PUF60: variants seen among roughly 807,000 people sequenced by gnomAD.
The protein encoded by PUF60 is poly(U)-binding-splicing factor PUF60.
In PUF60, 10 loss-of-function variants were observed where a neutral mutation model predicts 61.8. The ratio of observed to expected loss-of-function variants is 0.16; its 90% CI spans 0.10 to 0.27. The LOEUF (loss-of-function observed/expected upper bound fraction) is 0.27, where lower values mean the gene tolerates loss of function less well. Among genes scored for constraint, PUF60 ranks in the 10% least tolerant of loss-of-function variants. The pLI is 1.00. For missense variants in PUF60, 371 were observed against 754.0 expected (o/e 0.49, Z 5.95); for synonymous variants, 353 against 300.9 (o/e 1.17, Z -1.79).
chr8:143,818,838 G>A lies in PUF60; in HGVS notation c.349-304C>T. On this transcript the variant is annotated intron_variant, in intron 5 of 11. Coordinates refer to ENST00000526683, the MANE Select transcript of PUF60 (RefSeq NM_078480.3). The surrounding 1 kb of genome is among the most constrained non-coding windows in gnomAD (Gnocchi z 7.9). ...GCAGGGCTGTGCGCCCTCCCACCCA[G>A]ACCACCCCTCCAGTCTGGGGGCTGG... The A allele has an allele frequency of 2.4e-6, 1 of 415,042 alleles. No homozygotes were observed. Among genetic ancestry groups the A allele is most frequent in the Non-Finnish European group, 4.3e-6 (1 of 231,922 alleles). The allele number at this position is 415,042 out of a possible 1,614,324, so 25.7% of individuals were successfully genotyped here.
intron 1 of PUF60, among the ~76,000 whole-genome samples, chr8:143,828,831 C>T (rs1486707394): frequency 2.0e-5 from 3 of 152,214 alleles, no homozygotes; most frequent in Non-Finnish European, 4.4e-5. Flanking sequence ...CCGCCCCATG[C>T]TCTGAGCTGC....
chr8:143,820,436 C>T (rs1586583557), intron 5 of PUF60: 2 of 580,256 alleles, frequency 3.4e-6, no homozygotes, highest in Non-Finnish European at 6.1e-6. Context: ...GTTACCTGGC[C>T]GATTAGTTTT....
intron 1 of PUF60, chr8:143,829,035 C>A: frequency 1.0e-6 from 1 of 1,003,174 alleles, no homozygotes; most frequent in South Asian, 4.6e-5. Flanking sequence ...GGCCACACGC[C>A]GCGCCCAGGC....
intron 2 of PUF60, chr8:143,822,468 C>T (rs1413640568): frequency 2.6e-5 from 12 of 456,492 alleles, no homozygotes; most frequent in African/African-American, 1.4e-4. Flanking sequence ...CCACCGTCCC[C>T]GCAGGCACTG....
In PUF60 at chr8:143,816,638, A is replaced by G; in HGVS notation, c.1562T>C (p.Ile521Thr). The G allele has an allele frequency of 6.2e-7, 1 of 1,613,856 alleles. No homozygotes were observed. Among genetic ancestry groups the G allele is most frequent in the Non-Finnish European group, 8.5e-7 (1 of 1,179,868 alleles). The change falls in exon 12 of 12, where the codon ATA (isoleucine) becomes ACA (threonine). Residue 521 changes from isoleucine (I) to threonine (T), a missense_variant. By Grantham distance (89) the Ile-to-Thr change is moderately conservative. Coordinates refer to ENST00000526683, the MANE Select transcript of PUF60 (RefSeq NM_078480.3). ...IIVKIFVEFS[I>T]ASETHKAIQA... ...GATGGCCTTATGAGTCTCAGAGGCT[A>G]TGGAAAACTCCACAAAGATCTTGAC...
At chr8:143,824,541 G>A in intron 1 of PUF60, 142 bp from the exon 2 acceptor site, 1 of 757,206 alleles carries the variant, frequency 1.3e-6, no homozygotes, top group Non-Finnish European at 2.2e-6. Context: ...TGACCCCCCA[G>A]CCCAAACTGC....
chr8:143,826,412 G>T (rs565052764), intron 1 of PUF60, among the ~76,000 whole-genome samples: 9 of 152,260 alleles, frequency 5.9e-5, no homozygotes, highest in Middle Eastern at 3.4e-3. Flanking sequence ...TGAAAAAAAA[G>T]ATTTTTTTAA....
At chr8:143,822,504 C>G (rs1266290258) in intron 2 of PUF60, 1 of 456,656 alleles carries the variant, frequency 2.2e-6, no homozygotes, top group Admixed American at 2.3e-5. Context: ...GAACACAGGC[C>G]TCTCTCGGGC....
At position 143,816,415 on chromosome 8, in the gene PUF60, AGGCTG is replaced by A. The variant is rs1262349757; in HGVS notation, c.*100_*104del. On this transcript the variant is annotated 3_prime_UTR_variant, in exon 12 of 12. Coordinates refer to ENST00000526683, the MANE Select transcript of PUF60 (RefSeq NM_078480.3). ...GCATCCGCACCTTTATCCGCACTGT[AGGCTG>A]GGCTGGGCAGAGCGCGCCTGGCCCC... The A allele has an allele frequency of 3.1e-6, 4 of 1,307,714 alleles. No individual in the cohort carries two copies. Among genetic ancestry groups the A allele is most frequent in the East Asian group, 4.9e-5 (2 of 40,992 alleles). 81.0% of individuals were successfully genotyped at this position (1,307,714 alleles called of 1,614,324 possible). A position where few individuals can be genotyped will look rare whatever the true frequency, so the allele number is the denominator to read the frequency against.
rs1402678279 is a variant in PUF60, at chr8:143,817,452, T to C, written c.1023A>G (p.Gly341=). The part of the protein sequence containing the change: ...AKITAQEAVA[G]AAVLGTLGTP... ...TGCCCAGGGTACCCAGCACCGCTGC[T>C]CCGGCCACTGCTTCCTGCAACCCAA... Residue 341 remains glycine (G), a synonymous_variant, in exon 10 of 12, where the codon GGA becomes GGG. Transcript: ENST00000526683. The surrounding 1 kb of genome is among the most constrained non-coding windows in gnomAD (Gnocchi z 7.4). 1.2e-6 allele frequency: 2 copies of C among 1,608,986 alleles called. No homozygotes were observed. The highest frequency in any genetic ancestry group is 1.1e-5 in the South Asian group (1 of 90,462).
Position 143,818,645 on chromosome 8 carries a change from C to T in PUF60, c.349-111G>A, listed in dbSNP as rs1404367512. 3 of 1,187,876 alleles carry T rather than the reference C, an allele frequency of 2.5e-6. No individual in the cohort carries two copies. 73.6% of individuals were successfully genotyped at this position (1,187,876 alleles called of 1,614,324 possible). On this transcript the variant is annotated intron_variant, in intron 5 of 11. Coordinates refer to ENST00000526683, the MANE Select transcript of PUF60 (RefSeq NM_078480.3). This position sits in a 1 kb window ranked among gnomAD's most constrained non-coding sequence, Gnocchi z 7.9. ...CCCAGCCCTGCTGTGGGGAGGGCTC[C>T]CCACATGACAGGGAGGTGCGGGCTC... is the stretch of plus-strand genomic sequence containing the variant.
At chr8:143,825,689 C>T (rs1003994019) in intron 1 of PUF60, among the ~76,000 whole-genome samples, 1 of 152,154 alleles carries the variant, frequency 6.6e-6, no homozygotes, top group Admixed American at 6.5e-5. Flanking sequence ...TCCGTGTTGC[C>T]CAAGCTGGTC....
intron 5 of PUF60, among the ~76,000 whole-genome samples, chr8:143,819,903 C>G (rs76601624): frequency 0.019 from 2,936 of 152,314 alleles, 103 homozygotes; most frequent in African/African-American, 0.066. Flanking sequence ...CATTCAGATG[C>G]TTCCCAGAGA....
chr8:143,819,574 G>A (rs569335010), intron 5 of PUF60, among the ~76,000 whole-genome samples: 37 of 152,250 alleles, frequency 2.4e-4, no homozygotes, highest in African/African-American at 8.9e-4. Flanking sequence ...CGTGGAGAGG[G>A]GCCTGGAAGC....
chr8:143,819,682 TGACA>T (rs1816793985), intron 5 of PUF60, among the ~76,000 whole-genome samples: 1 of 152,106 alleles, frequency 6.6e-6, no homozygotes, highest in Non-Finnish European at 1.5e-5. Context: ...CTGGGCCCCC[TGACA>T]GACCTCAGGC....
intron 4 of PUF60, 66 bp from the exon 5 acceptor site, chr8:143,820,782 C>G: frequency 6.8e-7 from 1 of 1,466,194 alleles, no homozygotes; most frequent in Non-Finnish European, 9.5e-7. Context: ...TCGTCAACAC[C>G]TCACGCAGAC....
Position 143,817,204 on chromosome 8 carries a change from GCA to G in PUF60, c.1145-61_1145-60del, listed in dbSNP as rs1184306974. 6 of 1,530,096 alleles carry G rather than the reference GCA, an allele frequency of 3.9e-6. No individual in the cohort carries two copies. Among genetic ancestry groups the G allele is most frequent in the Non-Finnish European group, 4.4e-6 (5 of 1,136,022 alleles). The allele number at this position is 1,530,096 out of a possible 1,614,324, so 94.8% of individuals were successfully genotyped here. On this transcript the variant is annotated intron_variant, in intron 10 of 11. Transcript: ENST00000526683. The surrounding 1 kb of genome is among the most constrained non-coding windows in gnomAD (Gnocchi z 7.4). ...CCCTACCACCCCCCTTCCCAGAAAG[GCA>G]CAGAGCTGGCCTGCCCTGGGCTCAG...
At chr8:143,825,332 G>A (rs753349025) in intron 1 of PUF60, among the ~76,000 whole-genome samples, 4 of 152,186 alleles carry the variant, frequency 2.6e-5, no homozygotes, top group Non-Finnish European at 1.5e-5. Flanking sequence ...TCCAGAGGAG[G>A]AGCAGCACCA....
In PUF60 at chr8:143,818,548, G is replaced by C. The variant is rs1563826853; in HGVS notation, c.349-14C>G. On this transcript the variant is annotated splice_polypyrimidine_tract_variant and intron_variant, in intron 5 of 11. Coordinates refer to ENST00000526683, the MANE Select transcript of PUF60 (RefSeq NM_078480.3). The surrounding 1 kb of genome is among the most constrained non-coding windows in gnomAD (Gnocchi z 7.9). Reference sequence around the variant, plus strand: ...CTGAGCCGCCATCTGCAGCAGGACAGAGGGGAGAGAACCGCTGGCTCGTCA... The same window carrying C: ...CTGAGCCGCCATCTGCAGCAGGACACAGGGGAGAGAACCGCTGGCTCGTCA... 1 of 1,572,040 alleles carries C rather than the reference G, an allele frequency of 6.4e-7. No homozygotes were observed. Among genetic ancestry groups the C allele is most frequent in the South Asian group, 1.2e-5 (1 of 86,348 alleles).
Sources: gnomAD v4.1 joint callset for allele counts (sites outside exome capture counted in the v4.1 genomes callset) on GRCh38, gnomAD v4.1.1 for gene constraint, Gnocchi (gnomAD v3.1) non-coding constraint, MANE v1.5 for transcripts, NCBI Gene and HGNC (gene_info 2026-07-23, HGNC 2026-07-21) for gene names.